MIPEP: variants seen among roughly 807,000 people sequenced by gnomAD.
MIPEP encodes mitochondrial intermediate peptidase.
Under a neutral mutation model 90.3 loss-of-function variants are expected in MIPEP, and 79 were observed. That is an observed-to-expected ratio of 0.87 (90% CI 0.73 to 1.05). MIPEP has a LOEUF of 1.05. Among genes scored for constraint, MIPEP ranks in the 50% least tolerant of loss-of-function variants. The pLI is 0.00. For synonymous variants in MIPEP, 334 were observed against 315.8 expected, an observed-to-expected ratio of 1.06 and a Z score of -0.61; for missense variants, 940 against 905.6, an observed-to-expected ratio of 1.04 and a Z score of -0.49.
At position 23,768,443 on chromosome 13, in the gene MIPEP, C is replaced by T. The variant is rs532158690; in HGVS notation, c.1849-8226G>A. On this transcript the variant is annotated intron_variant, in intron 16 of 18. Transcript: ENST00000382172. ...TATAGTTTAAAATGTTGACCAGGCA[C>T]GGTGGCTCATGTCTGTAATCCCAGA... 4.6e-5 allele frequency among the ~76,000 whole-genome samples: 7 copies of T among 152,276 alleles called. No individual in the cohort carries two copies. In the South Asian group the frequency reaches 1.2e-3, roughly 27 times the overall value.
intron 12 of MIPEP, among the ~76,000 whole-genome samples, chr13:23,839,077 C>T (rs1316589898): frequency 2.0e-5 from 3 of 152,236 alleles, no homozygotes; most frequent in Admixed American, 6.5e-5. Context: ...CTGTCAAAGT[C>T]GGCCAATGCT....
chr13:23,884,647 G>A (rs1020601982), intron 2 of MIPEP, among the ~76,000 whole-genome samples: 1 of 152,182 alleles, frequency 6.6e-6, no homozygotes, highest in Non-Finnish European at 1.5e-5. Context: ...GCTCATCCAG[G>A]GAAAGCTTCT....
intron 15 of MIPEP, among the ~76,000 whole-genome samples, chr13:23,807,146 G>A (rs1953120477): frequency 1.3e-5 from 2 of 152,070 alleles, no homozygotes; most frequent in African/African-American, 4.8e-5. Flanking sequence ...AAACACAGTG[G>A]GAGAAGAAAG....
rs149420272 is a variant in MIPEP at position 23,824,381 on chromosome 13, C to A, written c.1653+11859G>T. ...GCTGCATATATATTAACAGGTAAGACAATCTCTGGTACAAGTCCTTGTTAT... is the reference window on the plus strand; with the variant it reads ...GCTGCATATATATTAACAGGTAAGAAAATCTCTGGTACAAGTCCTTGTTAT... On this transcript the variant is annotated intron_variant, in intron 14 of 18. Coordinates refer to ENST00000382172, the MANE Select transcript of MIPEP (RefSeq NM_005932.4). Among the ~76,000 whole-genome samples, 64 of 152,302 alleles carry A rather than the reference C, an allele frequency of 4.2e-4. No individual in the cohort carries two copies. The East Asian group carries it at 0.012, about 29-fold the overall frequency.
At chr13:23,844,969 G>A (rs1043225132) in intron 10 of MIPEP, among the ~76,000 whole-genome samples, 6 of 152,186 alleles carry the variant, frequency 3.9e-5, no homozygotes, top group African/African-American at 1.4e-4. Flanking sequence ...AAAGTATACT[G>A]TCTTGTCCCC....
At chr13:23,789,905 C>A (rs934813447) in intron 16 of MIPEP, among the ~76,000 whole-genome samples, 1 of 152,152 alleles carries the variant, frequency 6.6e-6, no homozygotes, top group African/African-American at 2.4e-5. Context: ...TTCTCTGTAT[C>A]CACTTTCTGC....
At chr13:23,846,710 A>C (rs1400424759) in intron 10 of MIPEP, among the ~76,000 whole-genome samples, 1 of 152,180 alleles carries the variant, frequency 6.6e-6, no homozygotes. Context: ...TCATGTTGGC[A>C]CTCAAAAAGT....
chr13:23,866,824 T>C (rs1287854939), intron 7 of MIPEP, among the ~76,000 whole-genome samples: 1 of 152,140 alleles, frequency 6.6e-6, no homozygotes, highest in Non-Finnish European at 1.5e-5. Flanking sequence ...ACTTCACCAC[T>C]TGAACCTCAT....
At chr13:23,816,231 A>G (rs986486790) in intron 14 of MIPEP, among the ~76,000 whole-genome samples, 1 of 152,258 alleles carries the variant, frequency 6.6e-6, no homozygotes, top group East Asian at 1.9e-4. Flanking sequence ...TATGCCATCA[A>G]ATATTTCTCC....
At position 23,841,339 on chromosome 13, in the gene MIPEP, T is replaced by C; in HGVS notation, c.1256A>G (p.Lys419Arg). The change falls in exon 11 of 19, where the codon AAA (lysine) becomes AGA (arginine). Residue 419 changes from lysine (K) to arginine (R), a missense_variant. Transcript: ENST00000382172. ...GGCTGAGCAGGAGGAGCTCACCAGT[T>C]TTCGGACATCTTCGCTCCACACCTC... ...KGEVWSEDVR[K>R]LAVVHESEGL... 2 of 1,609,890 alleles carry C rather than the reference T, an allele frequency of 1.2e-6. No individual in the cohort carries two copies. The highest frequency in any genetic ancestry group is 4.5e-5 in the East Asian group (2 of 44,806).
chr13:23,848,548 C>G (rs1482294423), intron 10 of MIPEP, among the ~76,000 whole-genome samples: 1 of 152,066 alleles, frequency 6.6e-6, no homozygotes, highest in Non-Finnish European at 1.5e-5. Context: ...GGCATTGGCT[C>G]AAAGATGAGG....
chr13:23,782,741 CAA>C (rs1952794031), intron 16 of MIPEP, among the ~76,000 whole-genome samples: 1 of 152,094 alleles, frequency 6.6e-6, no homozygotes, highest in Non-Finnish European at 1.5e-5. Flanking sequence ...AGAGAAGAAT[CAA>C]ATAGACGCAA....
intron 18 of MIPEP, among the ~76,000 whole-genome samples, chr13:23,753,326 A>G (rs1952461015): frequency 6.6e-6 from 1 of 152,232 alleles, no homozygotes; most frequent in Non-Finnish European, 1.5e-5. Flanking sequence ...GACTTTCCTA[A>G]GTAATTTATA....
chr13:23,811,177 TATC>T (rs1953167243), intron 14 of MIPEP, among the ~76,000 whole-genome samples: 2 of 152,262 alleles, frequency 1.3e-5, no homozygotes, highest in Non-Finnish European at 2.9e-5. Context: ...CCTTACTTTA[TATC>T]ATATTTTATA....
intron 16 of MIPEP, among the ~76,000 whole-genome samples, chr13:23,793,476 C>T (rs1952921918): frequency 6.6e-6 from 1 of 152,000 alleles, no homozygotes; most frequent in Non-Finnish European, 1.5e-5. Context: ...AACATATTTC[C>T]AGAAGTTCAT....
intron 16 of MIPEP, among the ~76,000 whole-genome samples, chr13:23,790,041 G>A: frequency 6.6e-6 from 1 of 152,148 alleles, no homozygotes; most frequent in East Asian, 1.9e-4. Flanking sequence ...AAGAAACCCA[G>A]GTCTCTGCTA....
chr13:23,778,939 A>C (rs1952746412), intron 16 of MIPEP, among the ~76,000 whole-genome samples: 1 of 152,198 alleles, frequency 6.6e-6, no homozygotes, highest in Non-Finnish European at 1.5e-5. Context: ...TCCTCAGAGG[A>C]GCCACCTCTA....
chr13:23,872,112 G>A (rs1870837314), intron 5 of MIPEP, among the ~76,000 whole-genome samples: 1 of 152,150 alleles, frequency 6.6e-6, no homozygotes, highest in African/African-American at 2.4e-5. Context: ...ATTAAATAAT[G>A]TTAAAAATAA....
chr13:23,809,880 CT>C lies in MIPEP; in HGVS notation c.1697del (p.Lys566ArgfsTer27). On this transcript the variant is annotated frameshift_variant, in exon 15 of 19. Transcript: ENST00000382172. LOFTEE classifies it high-confidence loss of function. ...NMVSRLCESK[K>X]VCAAADMQLQ... ...GTTGCATATCAGCTGCAGCACAAAC[CT>C]TTTTAGATTCACAAAGACGAGACAC... 6.2e-7 allele frequency: 1 copy of C among 1,613,484 alleles called. No homozygotes were observed. Among genetic ancestry groups the C allele is most frequent in the East Asian group, 2.2e-5 (1 of 44,816 alleles).
Sources: gnomAD v4.1 joint callset for allele counts (sites outside exome capture counted in the v4.1 genomes callset) on GRCh38, gnomAD v4.1.1 for gene constraint, MANE v1.5 for transcripts, NCBI Gene and HGNC (gene_info 2026-07-23, HGNC 2026-07-21) for gene names.